TRMU: variants seen among roughly 807,000 people sequenced by gnomAD.
TRMU encodes tRNA mitochondrial 2-thiouridylase.
In TRMU, 49 loss-of-function variants were observed where a neutral mutation model predicts 46.9. That is an observed-to-expected ratio of 1.05 (90% CI 0.83 to 1.33). The LOEUF is 1.33. Ranked by LOEUF, TRMU falls within the 40% of genes most tolerant of loss-of-function variation. The pLI is 0.00. For synonymous variants in TRMU, 241 were observed against 200.9 expected (o/e 1.20, Z -1.69); for missense variants, 572 against 532.4 (o/e 1.07, Z -0.73).
At chr22:46,346,348 G>A in intron 3 of TRMU, 74 bp from the exon 4 acceptor site, 1 of 1,561,328 alleles carries the variant, frequency 6.4e-7, no homozygotes, top group Non-Finnish European at 8.7e-7. Context: ...CTTCTTTTGT[G>A]CCTTGGTTTA....
intron 1 of TRMU, 27 bp downstream of exon 1, chr22:46,335,873 C>G (rs769563428): frequency 2.0e-5 from 30 of 1,531,948 alleles, no homozygotes; most frequent in Non-Finnish European, 2.5e-5. Flanking sequence ...TCCCGCCCCC[C>G]GCCGAGCGAA....
rs2078439018 is a variant in TRMU, at chr22:46,351,928, T to TA, written c.652-193_652-192insA. On this transcript the variant is annotated intron_variant, in intron 5 of 10. Coordinates refer to ENST00000645190, the MANE Select transcript of TRMU (RefSeq NM_018006.5). This position sits in a 1 kb window ranked among gnomAD's most constrained non-coding sequence, Gnocchi z 6.4. The stretch of plus-strand genomic sequence containing the variant: ...CCCGCGGGCCGAGACAATGAGGCGT[T>TA]CTCTAAGGCTCTGGCATCGTGTGCG... The TA allele has an allele frequency of 5.5e-6, 4 of 729,286 alleles. No homozygotes were observed. The highest frequency in any genetic ancestry group is 9.9e-6 in the Non-Finnish European group (4 of 403,418). The allele number at this position is 729,286 out of a possible 1,614,324, so 45.2% of individuals were successfully genotyped here. A position where few individuals can be genotyped will look rare whatever the true frequency, so the allele number is the denominator to read the frequency against.
chr22:46,356,716 C>A (rs2078620898), intron 10 of TRMU, 126 bp from the exon 11 acceptor site: 2 of 1,177,296 alleles, frequency 1.7e-6, no homozygotes, highest in Non-Finnish European at 1.2e-6. Flanking sequence ...CAAAACCCTG[C>A]TCCCCTGGGA....
At position 46,348,589 on chromosome 22, in the gene TRMU, C is replaced by T. The variant is rs563779107; in HGVS notation, c.479-1702C>T. On this transcript the variant is annotated intron_variant, in intron 4 of 10. Transcript: ENST00000645190. The surrounding 1 kb of genome is among the most constrained non-coding windows in gnomAD (Gnocchi z 4.8). ...ACACAGCGTGCTACCACCGGCCTGG[C>T]AGAGCCAGCACGGCAGCCGGCGTGT... Among the ~76,000 whole-genome samples the T allele has an allele frequency of 2.6e-5, 4 of 152,338 alleles. No individual in the cohort carries two copies. The highest frequency in any genetic ancestry group is 1.9e-4 in the East Asian group (1 of 5,190).
chr22:46,347,960 CT>C lies in TRMU; in HGVS notation c.478+1418del, dbSNP rs1433336313. 6.6e-6 allele frequency among the ~76,000 whole-genome samples: 1 copy of C among 152,206 alleles called. No individual in the cohort carries two copies. The highest frequency in any genetic ancestry group is 2.4e-5 in the African/African-American group (1 of 41,438). On this transcript the variant is annotated intron_variant, in intron 4 of 10. Transcript: ENST00000645190. The surrounding 1 kb of genome is among the most constrained non-coding windows in gnomAD (Gnocchi z 5.0). Reference sequence around the variant, plus strand: ...CTGCCGCCCTCTGTTCCCTCCTCGCCTTCCTTCCTTATGCCACAGGGTGATC... The same window carrying C: ...CTGCCGCCCTCTGTTCCCTCCTCGCCTCCTTCCTTATGCCACAGGGTGATC...
chr22:46,350,752 G>T lies in TRMU; in HGVS notation c.651+289G>T, dbSNP rs2078395504. On this transcript the variant is annotated intron_variant, in intron 5 of 10. Coordinates refer to ENST00000645190, the MANE Select transcript of TRMU (RefSeq NM_018006.5). The surrounding 1 kb of genome is among the most constrained non-coding windows in gnomAD (Gnocchi z 4.6). ...GCAGCTGGTGGGGTGCTCTTGGGAT[G>T]GCCTGCCTGCCAGGTGAGTGCCAGG... Among the ~76,000 whole-genome samples the T allele has an allele frequency of 6.6e-6, 1 of 152,208 alleles. No individual in the cohort carries two copies. The highest frequency in any genetic ancestry group is 2.4e-5 in the African/African-American group (1 of 41,472).
chr22:46,346,499 A>G lies in TRMU; in HGVS notation c.433A>G (p.Lys145Glu), dbSNP rs775483864. ...DEEVFEQKHV[K>E]KPEGLFRNRF... ...AGAAGTCTTTGAGCAGAAGCACGTTAAGAAGCCCGAAGGGCTTTTCAGAAA... is the reference window on the plus strand; with the variant it reads ...AGAAGTCTTTGAGCAGAAGCACGTTGAGAAGCCCGAAGGGCTTTTCAGAAA... The change falls in exon 4 of 11, where the codon AAG becomes GAG. Residue 145 changes from lysine to glutamate, a missense_variant. By Grantham distance (56) the Lys-to-Glu change is moderately conservative. Coordinates refer to ENST00000645190, the MANE Select transcript of TRMU (RefSeq NM_018006.5). 2.5e-6 allele frequency: 4 copies of G among 1,613,342 alleles called. No individual in the cohort carries two copies. Among genetic ancestry groups the G allele is most frequent in the Non-Finnish European group, 3.4e-6 (4 of 1,179,454 alleles).
chr22:46,355,866 C>A, intron 9 of TRMU, 124 bp from the exon 10 acceptor site: 2 of 1,173,180 alleles, frequency 1.7e-6, no homozygotes, highest in Non-Finnish European at 2.4e-6. Flanking sequence ...CAGGCTGGTG[C>A]CCTGCCCTTC....
chr22:46,350,588 C>T lies in TRMU; in HGVS notation c.651+125C>T, dbSNP rs1231932318. On this transcript the variant is annotated intron_variant, in intron 5 of 10. Coordinates refer to ENST00000645190, the MANE Select transcript of TRMU (RefSeq NM_018006.5). This position sits in a 1 kb window ranked among gnomAD's most constrained non-coding sequence, Gnocchi z 4.6. ...TCCAGGACCTAACATCAAAGGCGGG[C>T]CTTGGAGCAATAGATGGAGGAGTTT... 5 of 1,228,386 alleles carry T rather than the reference C, an allele frequency of 4.1e-6. No individual in the cohort carries two copies. The highest frequency in any genetic ancestry group is 5.9e-6 in the Non-Finnish European group (5 of 850,984). 76.1% of individuals were successfully genotyped at this position (1,228,386 alleles called of 1,614,324 possible).
chr22:46,355,682 A>T, intron 9 of TRMU, 94 bp downstream of exon 9: 1 of 1,593,572 alleles, frequency 6.3e-7, no homozygotes, highest in Non-Finnish European at 8.6e-7. Context: ...TGGGGTAGGA[A>T]AGTCCCGTTG....
At position 46,352,370 on chromosome 22, in the gene TRMU, A is replaced by G. The variant is rs754731386; in HGVS notation, c.772+40A>G. The G allele has an allele frequency of 8.7e-6, 14 of 1,607,972 alleles. No individual in the cohort carries two copies. In the Admixed American group the frequency reaches 1.0e-4, roughly 11 times the overall value. The stretch of plus-strand genomic sequence containing the variant: ...CTGCCACTTGTCATCTGAAATGCCT[A>G]GAGCTGTGGCGTTTCAGCTCTGGGA... On this transcript the variant is annotated intron_variant, in intron 7 of 10. Transcript: ENST00000645190.
Position 46,355,429 on chromosome 22 carries a change from CATTCCATT to C in TRMU, c.874-14_874-7del. 1 of 1,612,462 alleles carries C rather than the reference CATTCCATT, an allele frequency of 6.2e-7. No individual in the cohort carries two copies. Among genetic ancestry groups the C allele is most frequent in the Non-Finnish European group, 8.5e-7 (1 of 1,179,736 alleles). On this transcript the variant is annotated splice_region_variant and splice_polypyrimidine_tract_variant and intron_variant, in intron 8 of 10. Coordinates refer to ENST00000645190, the MANE Select transcript of TRMU (RefSeq NM_018006.5). The stretch of plus-strand genomic sequence containing the variant: ...GTGCCCCTCGGCGTCCCCACCTTCA[CATTCCATT>C]CTGCAGGCCCCCCGGACAGACCACC...
At chr22:46,355,657 A>G (rs1262793030) in intron 9 of TRMU, 69 bp downstream of exon 9, 1 of 1,610,216 alleles carries the variant, frequency 6.2e-7, no homozygotes, top group Non-Finnish European at 8.5e-7. Flanking sequence ...GATTTGGGCC[A>G]GGGATGGGAG....
At position 46,336,532 on chromosome 22, in the gene TRMU, A is replaced by C. The variant is rs1337339545; in HGVS notation, c.82+686A>C. 2.6e-5 allele frequency: 4 copies of C among 152,288 alleles called. No homozygotes were observed. The highest frequency in any genetic ancestry group is 9.7e-5 in the African/African-American group (4 of 41,438). 9.4% of individuals were successfully genotyped at this position (152,288 alleles called of 1,614,324 possible). A position where few individuals can be genotyped will look rare whatever the true frequency, so the allele number is the denominator to read the frequency against. ...CGTTTGTGGAGCTCTGCTTTGCGCC[A>C]TCTTTGGCTCCTGACCTTGGGCAAG... is the stretch of plus-strand genomic sequence containing the variant. On this transcript the variant is annotated intron_variant, in intron 1 of 10. Coordinates refer to ENST00000645190, the MANE Select transcript of TRMU (RefSeq NM_018006.5). The surrounding 1 kb of genome is among the most constrained non-coding windows in gnomAD (Gnocchi z 4.1).
chr22:46,356,180 C>A, intron 10 of TRMU, 108 bp downstream of exon 10: 1 of 1,277,932 alleles, frequency 7.8e-7, no homozygotes, highest in East Asian at 2.4e-5. Flanking sequence ...AGGGTGTGCT[C>A]GGGTCACACA....
intron 3 of TRMU, among the ~76,000 whole-genome samples, chr22:46,345,523 T>C (rs2078229985): frequency 6.6e-6 from 1 of 152,100 alleles, no homozygotes; most frequent in African/African-American, 2.4e-5. Context: ...TTACAGAAAA[T>C]TTAAAAGAGG....
At position 46,350,580 on chromosome 22, in the gene TRMU, A is replaced by G. The variant is rs2078389923; in HGVS notation, c.651+117A>G. ...TCCCCTTCTCCAGGACCTAACATCA[A>G]AGGCGGGCCTTGGAGCAATAGATGG... On this transcript the variant is annotated intron_variant, in intron 5 of 10. Transcript: ENST00000645190. The surrounding 1 kb of genome is among the most constrained non-coding windows in gnomAD (Gnocchi z 4.6). 7.6e-7 allele frequency: 1 copy of G among 1,308,368 alleles called. No homozygotes were observed. The highest frequency in any genetic ancestry group is 1.8e-5 in the Admixed American group (1 of 55,656). 81.0% of individuals were successfully genotyped at this position (1,308,368 alleles called of 1,614,324 possible). A position where few individuals can be genotyped will look rare whatever the true frequency, so the allele number is the denominator to read the frequency against.
At position 46,335,736 on chromosome 22, in the gene TRMU, TGCA is replaced by T. The variant is rs1485889784; in HGVS notation, c.-26_-24del. The T allele has an allele frequency of 1.3e-6, 2 of 1,542,814 alleles. No homozygotes were observed. Among genetic ancestry groups the T allele is most frequent in the East Asian group, 2.4e-5 (1 of 40,884 alleles). On this transcript the variant is annotated 5_prime_UTR_variant, in exon 1 of 11. Transcript: ENST00000645190. ...GGCAAGGCGCGGAAGCGGCGGTAGC[TGCA>T]GCTGGCGAAGTTGGGCGACTGGCGG...
intron 3 of TRMU, among the ~76,000 whole-genome samples, chr22:46,345,399 G>A (rs566799242): frequency 1.7e-4 from 26 of 152,290 alleles, no homozygotes; most frequent in Middle Eastern, 3.4e-3. Context: ...TTTACACAAT[G>A]AAAAGGTTCT....
Sources: gnomAD v4.1 joint callset for allele counts (sites outside exome capture counted in the v4.1 genomes callset) on GRCh38, gnomAD v4.1.1 for gene constraint, Gnocchi (gnomAD v3.1) non-coding constraint, MANE v1.5 for transcripts, NCBI Gene and HGNC (gene_info 2026-07-23, HGNC 2026-07-21) for gene names.